CRISP2: variants seen among roughly 807,000 people sequenced by gnomAD.
CRISP2 encodes cysteine-rich secretory protein 2.
Under a neutral mutation model 31.7 loss-of-function variants are expected in CRISP2, and 29 were observed. That is an observed-to-expected ratio of 0.92 (90% CI 0.68 to 1.25). The LOEUF is 1.25. CRISP2 is among the 50% of genes most tolerant of loss of function. The probability of loss-of-function intolerance (pLI) is 0.00; values close to 1 mark genes in which losing one functional copy is unlikely to be tolerated. For synonymous variants in CRISP2, 111 were observed against 101.4 expected (o/e 1.09, Z -0.57); for missense variants, 318 against 286.5 (o/e 1.11, Z -0.79).
chr6:49,677,207 A>T, the CRISP2 span, among the ~76,000 whole-genome samples: 1 of 152,110 alleles, frequency 6.6e-6, no homozygotes, highest in African/African-American at 2.4e-5. Flanking sequence ...TATCTTGGCG[A>T]TGGTTTCATT....
the CRISP2 span, among the ~76,000 whole-genome samples, chr6:49,679,560 A>G: frequency 6.6e-6 from 1 of 152,182 alleles, no homozygotes; most frequent in Admixed American, 6.6e-5. Flanking sequence ...TCCCCTAATG[A>G]CTGCACTGGA....
intron 8 of CRISP2, among the ~76,000 whole-genome samples, chr6:49,696,601 A>AG (rs988361902): frequency 9.4e-5 from 14 of 149,430 alleles, no homozygotes; most frequent in East Asian, 3.9e-4. Context: ...AAAAAAAAAA[A>AG]GAAAAAAAGA....
chr6:49,710,545 C>T (rs977286052), intron 3 of CRISP2, among the ~76,000 whole-genome samples: 1 of 152,190 alleles, frequency 6.6e-6, no homozygotes, highest in East Asian at 1.9e-4. Context: ...CTTATTAATA[C>T]ATAACTGTAT....
intron 8 of CRISP2, among the ~76,000 whole-genome samples, chr6:49,697,079 T>C (rs1044594294): frequency 6.6e-6 from 1 of 152,162 alleles, no homozygotes; most frequent in Admixed American, 6.5e-5. Context: ...ATCTTCGCTA[T>C]CTACAGTCTC....
At chr6:49,699,139 A>G (rs1765240051) in intron 6 of CRISP2, among the ~76,000 whole-genome samples, 2 of 152,068 alleles carry the variant, frequency 1.3e-5, no homozygotes, top group Non-Finnish European at 2.9e-5. Flanking sequence ...AGTTTTTATA[A>G]TCCTTGATAT....
At chr6:49,682,643 CTTCT>C in the CRISP2 span, among the ~76,000 whole-genome samples, 1 of 57,066 alleles carries the variant, frequency 1.8e-5, no homozygotes, top group Non-Finnish European at 3.2e-5. Flanking sequence ...TTCTTTCTTT[CTTCT>C]TTCTTTCTTT....
At chr6:49,709,356 G>A in intron 3 of CRISP2, 151 bp from the exon 4 acceptor site, 1 of 228,852 alleles carries the variant, frequency 4.4e-6, no homozygotes, top group Non-Finnish European at 7.2e-6. Context: ...TTGCCCTATG[G>A]TACTAGTAGA....
chr6:49,696,063 G>A, intron 8 of CRISP2, 139 bp from the exon 9 acceptor site: 2 of 537,296 alleles, frequency 3.7e-6, no homozygotes, highest in East Asian at 3.1e-5. Flanking sequence ...AATTCCCAAT[G>A]TGTATTTCAG....
At chr6:49,704,059 A>AT (rs1170591523) in intron 4 of CRISP2, among the ~76,000 whole-genome samples, 1 of 151,570 alleles carries the variant, frequency 6.6e-6, no homozygotes, top group Non-Finnish European at 1.5e-5. Context: ...TCTTTTTATC[A>AT]TTTTTTTGTC....
At chr6:49,683,082 C>T in the CRISP2 span, among the ~76,000 whole-genome samples, 21,140 of 151,566 alleles carry the variant, frequency 0.14, 1,974 homozygotes, top group Non-Finnish European at 0.2. Flanking sequence ...TGCTTGAACC[C>T]GGAAGGCAGA....
At chr6:49,697,598 A>G in intron 8 of CRISP2, 1 of 738,840 alleles carries the variant, frequency 1.4e-6, no homozygotes, top group South Asian at 1.5e-5. Flanking sequence ...TCACAGAGTA[A>G]CCCTAAGCTG....
At position 49,709,198 on chromosome 6, in the gene CRISP2, G is replaced by A. The variant is rs775796814; in HGVS notation, c.-2C>T. On this transcript the variant is annotated 5_prime_UTR_variant, in exon 4 of 10. Coordinates refer to ENST00000339139, the MANE Select transcript of CRISP2 (RefSeq NM_003296.4). ...AAACAACACCGGTAGTAAAGCCATT[G>A]CTGGAAACTAAGTCAAGAAAAACAA... 1.2e-6 allele frequency: 2 copies of A among 1,613,242 alleles called. No individual in the cohort carries two copies. Among genetic ancestry groups the A allele is most frequent in the African/African-American group, 2.7e-5 (2 of 74,936 alleles).
chr6:49,705,529 A>C (rs1212536744), intron 4 of CRISP2, among the ~76,000 whole-genome samples: 1 of 152,142 alleles, frequency 6.6e-6, no homozygotes, highest in Non-Finnish European at 1.5e-5. Context: ...CTTCCCATTC[A>C]GAATCCCAGA....
upstream of CRISP2, among the ~76,000 whole-genome samples, chr6:49,713,948 A>T (rs1042256679): frequency 6.6e-6 from 1 of 152,174 alleles, no homozygotes; most frequent in African/African-American, 2.4e-5. Context: ...TGCCAGTGTC[A>T]TGCCAACGAC....
chr6:49,683,680 AAAAAAAAAAAAAAAATATATAT>A, the CRISP2 span, among the ~76,000 whole-genome samples: 3 of 34,390 alleles, frequency 8.7e-5, no homozygotes, highest in African/African-American at 1.8e-4. Context: ...AAAAAAAAAA[AAAAAAAAAAAAAAAATATATAT>A]ATATATATAT....
intron 3 of CRISP2, among the ~76,000 whole-genome samples, chr6:49,710,903 C>A (rs561602709): frequency 1.2e-4 from 18 of 152,210 alleles, no homozygotes; most frequent in African/African-American, 3.6e-4. Flanking sequence ...GAGGTGAGAG[C>A]ACATAACTTG....
At chr6:49,679,848 G>A in the CRISP2 span, among the ~76,000 whole-genome samples, 1 of 152,076 alleles carries the variant, frequency 6.6e-6, no homozygotes, top group Non-Finnish European at 1.5e-5. Flanking sequence ...TGGAATTACA[G>A]GCATGTGCCA....
the CRISP2 span, among the ~76,000 whole-genome samples, chr6:49,683,115 G>A: frequency 4.6e-5 from 7 of 151,410 alleles, no homozygotes; most frequent in Admixed American, 1.3e-4. Context: ...CTGAGATCAC[G>A]CCATTGCACT....
intron 1 of CRISP2, among the ~76,000 whole-genome samples, chr6:49,713,241 T>C (rs894895538): frequency 1.3e-5 from 2 of 152,124 alleles, no homozygotes; most frequent in Non-Finnish European, 2.9e-5. Flanking sequence ...TTAAGGTAGG[T>C]AAAGAGTTTC....
Sources: allele counts gnomAD v4.1 joint callset (sites outside exome capture counted in the v4.1 genomes callset), GRCh38; gene constraint gnomAD v4.1.1; transcripts MANE v1.5; gene names NCBI Gene and HGNC (gene_info 2026-07-23, HGNC 2026-07-21).